The following FMO3 variants were observed in gnomAD, a reference collection of about 807,000 sequenced individuals.
FMO3 encodes the protein flavin containing dimethylaniline monoxygenase 3.
A neutral mutation model predicts 39.4 loss-of-function variants in FMO3; 40 were observed. The ratio of observed to expected loss-of-function variants is 1.02; its 90% CI spans 0.79 to 1.32. The LOEUF (loss-of-function observed/expected upper bound fraction) is 1.32. Among genes scored for constraint, FMO3 ranks in the 40% most tolerant of loss-of-function variants. The probability of loss-of-function intolerance (pLI) is 0.00; values close to 1 mark genes in which losing one functional copy is unlikely to be tolerated. For synonymous variants in FMO3, 219 were observed against 228.8 expected, an observed-to-expected ratio of 0.96 and a Z score of 0.39; for missense variants, 680 against 651.8, an observed-to-expected ratio of 1.04 and a Z score of -0.47.
At chr1:171,115,462 G>C (rs548337727) in intron 7 of FMO3, among the ~76,000 whole-genome samples, 19 of 152,234 alleles carry the variant, frequency 1.2e-4, no homozygotes, top group African/African-American at 4.3e-4. Flanking sequence ...TACAAAAGCT[G>C]TTCAAGTGAC....
chr1:171,115,976 T>C (rs891273392), intron 7 of FMO3, among the ~76,000 whole-genome samples: 2 of 152,222 alleles, frequency 1.3e-5, no homozygotes, highest in African/African-American at 2.4e-5. Context: ...AATATATCTA[T>C]GAAACTGTTT....
intron 2 of FMO3, among the ~76,000 whole-genome samples, chr1:171,095,964 ATTTAT>A: frequency 3.4e-4 from 1 of 2,922 alleles, no homozygotes; most frequent in East Asian, 0.01. Context: ...ATAATTATAT[ATTTAT>A]AATTATATAG....
intron 2 of FMO3, among the ~76,000 whole-genome samples, chr1:171,096,629 TA>T (rs1655085576): frequency 7.9e-6 from 1 of 127,282 alleles, no homozygotes; most frequent in Non-Finnish European, 1.6e-5. Flanking sequence ...TAATATACTT[TA>T]TATATTAAAT....
At chr1:171,093,113 AC>A (rs1357180347) in intron 2 of FMO3, among the ~76,000 whole-genome samples, 1 of 131,826 alleles carries the variant, frequency 7.6e-6, no homozygotes, top group East Asian at 2.0e-4. Flanking sequence ...AAACACAATA[AC>A]TTTTCACATC....
intron 6 of FMO3, among the ~76,000 whole-genome samples, chr1:171,112,922 A>T (rs1347624560): frequency 6.6e-6 from 1 of 152,210 alleles, no homozygotes; most frequent in African/African-American, 2.4e-5. Flanking sequence ...CCAGCAAAGT[A>T]GGAAAGGAAC....
intron 2 of FMO3, among the ~76,000 whole-genome samples, chr1:171,095,160 A>T (rs1170832651): frequency 6.6e-6 from 1 of 151,956 alleles, no homozygotes; most frequent in African/African-American, 2.4e-5. Context: ...TTCCTAGATA[A>T]TTTTTCCATT....
At chr1:171,107,051 TAG>T (rs1655672515) in intron 3 of FMO3, among the ~76,000 whole-genome samples, 1 of 152,150 alleles carries the variant, frequency 6.6e-6, no homozygotes, top group South Asian at 2.1e-4. Context: ...TAATACCAAA[TAG>T]AGATTCTTTT....
chr1:171,095,076 G>A (rs1654890715), intron 2 of FMO3, among the ~76,000 whole-genome samples: 1 of 152,054 alleles, frequency 6.6e-6, no homozygotes, highest in Non-Finnish European at 1.5e-5. Context: ...TTTACCATTT[G>A]TGTCAGCTAC....
intron 2 of FMO3, among the ~76,000 whole-genome samples, chr1:171,094,392 AT>A (rs376384359): frequency 9.9e-5 from 15 of 152,130 alleles, no homozygotes; most frequent in African/African-American, 3.4e-4. Context: ...TAGCTTGCAA[AT>A]ATTGTCTCCC....
At position 171,109,710 on chromosome 1, in the gene FMO3, T is replaced by C. The variant is rs993291498; in HGVS notation, c.628-1088T>C. On this transcript the variant is annotated intron_variant, in intron 5 of 8. Coordinates refer to ENST00000367755, the MANE Select transcript of FMO3 (RefSeq NM_001002294.3). ...CCACCACACCCCATACCCAGCTACT[T>C]TTTGTATTTTTAGTAGAGACAGGGT... is the stretch of plus-strand genomic sequence containing the variant. 5.9e-5 allele frequency among the ~76,000 whole-genome samples: 9 copies of C among 151,722 alleles called. No individual in the cohort carries two copies. In the East Asian group the frequency reaches 7.8e-4, roughly 13 times the overall value.
chr1:171,101,486 G>C lies in FMO3; in HGVS notation c.133-2299G>C, dbSNP rs548321090. On this transcript the variant is annotated intron_variant, in intron 2 of 8. Transcript: ENST00000367755. Reference sequence around the variant, plus strand: ...CACATTATAAGATTGTTATAAAATTGTTCTAATTTTGTATTTGCCTTCCCT... The same window carrying C: ...CACATTATAAGATTGTTATAAAATTCTTCTAATTTTGTATTTGCCTTCCCT... Among the ~76,000 whole-genome samples the C allele has an allele frequency of 1.4e-4, 22 of 152,216 alleles. No homozygotes were observed. The South Asian group carries it at 4.4e-3, about 30-fold the overall frequency.
chr1:171,093,010 T>C (rs1445270023), intron 2 of FMO3, among the ~76,000 whole-genome samples: 1 of 152,198 alleles, frequency 6.6e-6, no homozygotes, highest in Non-Finnish European at 1.5e-5. Flanking sequence ...ATTACAGTTC[T>C]CCCTTGATAG....
chr1:171,117,345 T>A lies in FMO3; in HGVS notation c.1502T>A (p.Val501Glu). ...DRSLKPMQTR[V>E]VGRLQKPCFF... The stretch of plus-strand genomic sequence containing the variant: ...TCGTTGAAACCCATGCAGACACGAG[T>A]GGTCGGGAGACTTCAGAAGCCTTGC... The change falls in exon 9 of 9, where the codon GTG (valine) becomes GAG (glutamate). Residue 501 changes from valine to glutamate, a missense_variant. Coordinates refer to ENST00000367755, the MANE Select transcript of FMO3 (RefSeq NM_001002294.3). 1 of 1,613,050 alleles carries A rather than the reference T, an allele frequency of 6.2e-7. No individual in the cohort carries two copies. Among genetic ancestry groups the A allele is most frequent in the Non-Finnish European group, 8.5e-7 (1 of 1,179,470 alleles).
intron 6 of FMO3, among the ~76,000 whole-genome samples, chr1:171,111,259 T>C (rs1445118909): frequency 1.3e-5 from 2 of 152,210 alleles, no homozygotes; most frequent in African/African-American, 4.8e-5. Context: ...AAGCATTTTA[T>C]ACATGTCAGA....
intron 6 of FMO3, among the ~76,000 whole-genome samples, chr1:171,112,920 G>T (rs1035622256): frequency 4.6e-5 from 7 of 152,158 alleles, no homozygotes; most frequent in African/African-American, 1.7e-4. Context: ...AGCCAGCAAA[G>T]TAGGAAAGGA....
At chr1:171,114,700 A>G (rs1445727601) in intron 7 of FMO3, among the ~76,000 whole-genome samples, 1 of 152,120 alleles carries the variant, frequency 6.6e-6, no homozygotes, top group Non-Finnish European at 1.5e-5. Flanking sequence ...TGATTGCAAA[A>G]CTCAGTAGAA....
intron 2 of FMO3, among the ~76,000 whole-genome samples, chr1:171,095,745 T>TATATGA (rs200715887): frequency 2.4e-5 from 3 of 125,294 alleles, no homozygotes; most frequent in East Asian, 2.1e-4. Context: ...TATATATCTA[T>TATATGA]AATAATATAA....
intron 5 of FMO3, among the ~76,000 whole-genome samples, chr1:171,109,702 C>A (rs1186505329): frequency 6.6e-6 from 1 of 151,566 alleles, no homozygotes; most frequent in Non-Finnish European, 1.5e-5. Context: ...ACCCCATACC[C>A]AGCTACTTTT....
In FMO3 at chr1:171,110,914, G is replaced by A. The variant is rs139397083; in HGVS notation, c.744G>A (p.Pro248=). Residue 248 remains proline (P), a synonymous_variant, in exon 6 of 9, where the codon CCG becomes CCA. Transcript: ENST00000367755. ...RFGTFLKNNL[P]TAISDWLYVK... is the part of the protein sequence containing the mutation. ...GAACCTTCCTCAAGAACAATTTACC[G>A]ACAGCCATCTCTGACTGGTTGTACG... 62 of 1,613,814 alleles carry A rather than the reference G, an allele frequency of 3.8e-5. No homozygotes were observed. Among genetic ancestry groups the A allele is most frequent in the South Asian group, 5.5e-5 (5 of 91,086 alleles).
Sources: allele counts gnomAD v4.1 joint callset (sites outside exome capture counted in the v4.1 genomes callset), GRCh38; gene constraint gnomAD v4.1.1; transcripts MANE v1.5; gene names NCBI Gene and HGNC (gene_info 2026-07-23, HGNC 2026-07-21).